The following RAP1GAP2 variants were observed in gnomAD, a reference collection of about 807,000 sequenced individuals.
RAP1GAP2 encodes RAP1 GTPase activating protein 2.
A neutral mutation model predicts 95.0 loss-of-function variants in RAP1GAP2; 27 were observed. The ratio of observed to expected loss-of-function variants is 0.28; its 90% CI spans 0.21 to 0.39. RAP1GAP2 has a LOEUF of 0.39. Among genes scored for constraint, RAP1GAP2 ranks in the 10% least tolerant of loss-of-function variants. The pLI is 1.00. For missense variants in RAP1GAP2, 771 were observed against 970.0 expected (o/e 0.79, Z 2.72); for synonymous variants, 373 against 380.9 (o/e 0.98, Z 0.24).
rs2041794611 is a variant in RAP1GAP2 at position 2,895,632 on chromosome 17, AGTGGCGCG to A, written c.81-9651_81-9644del. Among the ~76,000 whole-genome samples the A allele has an allele frequency of 2.0e-5, 3 of 151,634 alleles. No individual in the cohort carries two copies. In the South Asian group the frequency reaches 6.2e-4, roughly 32 times the overall value. ...TGCTCTGTTGCCCAGGCTGGAGTGC[AGTGGCGCG>A]ATCTCGGCTTACTGCAACCTCCGCC... On this transcript the variant is annotated intron_variant, in intron 2 of 24. Transcript: ENST00000254695.
chr17:2,962,447 G>T, intron 4 of RAP1GAP2: 1 of 514,830 alleles, frequency 1.9e-6, no homozygotes, highest in Non-Finnish European at 3.4e-6. Context: ...TTGAACCCCG[G>T]CGATCTGGCT....
intron 1 of RAP1GAP2, among the ~76,000 whole-genome samples, chr17:2,781,111 C>T (rs746678090): frequency 2.6e-5 from 4 of 152,218 alleles, no homozygotes; most frequent in South Asian, 4.1e-4. Context: ...GCCCCGGCCA[C>T]GCTCTGGTTC....
intron 2 of RAP1GAP2, among the ~76,000 whole-genome samples, chr17:2,869,992 G>T (rs2072775520): frequency 6.6e-6 from 1 of 152,046 alleles, no homozygotes; most frequent in African/African-American, 2.4e-5. Context: ...TTTGAGATGG[G>T]CAGCAGCTAC....
At chr17:2,948,093 G>A (rs550544214) in intron 3 of RAP1GAP2, among the ~76,000 whole-genome samples, 2 of 152,330 alleles carry the variant, frequency 1.3e-5, no homozygotes, top group South Asian at 2.1e-4. Flanking sequence ...GACTCATTGA[G>A]CGACCTGTGT....
chr17:2,809,116 C>T (rs1269833281), intron 2 of RAP1GAP2, among the ~76,000 whole-genome samples: 1 of 152,150 alleles, frequency 6.6e-6, no homozygotes, highest in African/African-American at 2.4e-5. Context: ...TGCTCCTGGC[C>T]CTCCTCCTGG....
chr17:2,999,255 G>A (rs2046073257), intron 14 of RAP1GAP2, among the ~76,000 whole-genome samples: 1 of 152,152 alleles, frequency 6.6e-6, no homozygotes. Flanking sequence ...CCACCTCTTG[G>A]GCAACAGTCT....
intron 2 of RAP1GAP2, among the ~76,000 whole-genome samples, chr17:2,815,248 G>A (rs1597361759): frequency 6.6e-6 from 1 of 152,204 alleles, no homozygotes; most frequent in East Asian, 1.9e-4. Flanking sequence ...CCCACAGTGC[G>A]GCTCCAGCAG....
intron 7 of RAP1GAP2, chr17:2,964,700 T>G (rs2044512190): frequency 6.5e-6 from 1 of 153,044 alleles, no homozygotes; most frequent in Non-Finnish European, 1.5e-5. Flanking sequence ...TGTTTCCATC[T>G]AAATCACGCA....
intron 11 of RAP1GAP2, 73 bp downstream of exon 11, chr17:2,985,139 G>C (rs552749331): frequency 6.3e-7 from 1 of 1,598,986 alleles, no homozygotes; most frequent in Admixed American, 1.7e-5. Flanking sequence ...TCCCCACCCA[G>C]AACACAGGAG....
In RAP1GAP2 at chr17:3,008,058, C is replaced by T. The variant is rs36016465; in HGVS notation, c.1407C>T (p.His469=). Residue 469 remains histidine (H), a synonymous_variant, in exon 17 of 25, where the codon CAC becomes CAT. Transcript: ENST00000254695. The surrounding 1 kb of genome is among the most constrained non-coding windows in gnomAD (Gnocchi z 4.2). ...TGGACAACCTTCACGATGAGCTCCACGCCCACACACAGGCCATGCTGGGAC... is the reference window on the plus strand; with the variant it reads ...TGGACAACCTTCACGATGAGCTCCATGCCCACACACAGGCCATGCTGGGAC... The part of the protein sequence containing the change: ...ALLDNLHDEL[H]AHTQAMLGLG... The T allele has an allele frequency of 2.4e-3, 3,950 of 1,613,934 alleles. 66 individuals are homozygous for T. The African/African-American group carries it at 0.042, about 17-fold the overall frequency.
intron 3 of RAP1GAP2, among the ~76,000 whole-genome samples, chr17:2,933,431 A>G (rs1019411608): frequency 6.6e-6 from 1 of 152,184 alleles, no homozygotes; most frequent in Non-Finnish European, 1.5e-5. Flanking sequence ...CAAGCTGCGG[A>G]GCCCATGGGG....
At chr17:2,872,533 A>C (rs1346827581) in intron 2 of RAP1GAP2, among the ~76,000 whole-genome samples, 3 of 152,098 alleles carry the variant, frequency 2.0e-5, no homozygotes, top group East Asian at 3.9e-4. Context: ...AAGTGGCTTA[A>C]CTGGAAAGTT....
Position 3,029,611 on chromosome 17 carries a change from A to G in RAP1GAP2, c.2108-1311A>G, listed in dbSNP as rs1047656124. Reference sequence around the variant, plus strand: ...CTTCCTGGGGCACAGAAGAGGACTGATAGGTTACACAGAGGTGTTGTAGCC... The same window carrying G: ...CTTCCTGGGGCACAGAAGAGGACTGGTAGGTTACACAGAGGTGTTGTAGCC... On this transcript the variant is annotated intron_variant, in intron 22 of 24. Transcript: ENST00000254695. This position sits in a 1 kb window ranked among gnomAD's most constrained non-coding sequence, Gnocchi z 4.4. Among the ~76,000 whole-genome samples, 2 of 152,090 alleles carry G rather than the reference A, an allele frequency of 1.3e-5. No individual in the cohort carries two copies. Among genetic ancestry groups the G allele is most frequent in the African/African-American group, 4.8e-5 (2 of 41,396 alleles).
chr17:2,925,326 A>G (rs2042918052), intron 3 of RAP1GAP2, among the ~76,000 whole-genome samples: 2 of 151,954 alleles, frequency 1.3e-5, no homozygotes, highest in South Asian at 4.1e-4. Flanking sequence ...GGTAATTTAT[A>G]AAGAAAGAGG....
upstream of RAP1GAP2, among the ~76,000 whole-genome samples, chr17:2,795,190 CTTT>C (rs578206765): frequency 1.1e-3 from 153 of 144,424 alleles, no homozygotes; most frequent in African/African-American, 3.6e-3. Context: ...TCTTCTTCTT[CTTT>C]TTTTTTTTTT....
intron 3 of RAP1GAP2, among the ~76,000 whole-genome samples, chr17:2,911,079 C>T (rs865945400): frequency 7.2e-5 from 11 of 152,146 alleles, no homozygotes; most frequent in Admixed American, 2.0e-4. Flanking sequence ...CTCACGCTTG[C>T]GGGCCCAGGG....
intron 2 of RAP1GAP2, among the ~76,000 whole-genome samples, chr17:2,814,470 A>C (rs1257636840): frequency 1.3e-5 from 2 of 151,924 alleles, no homozygotes; most frequent in Non-Finnish European, 2.9e-5. Flanking sequence ...TCCTCCACGC[A>C]CAGCCCCTTC....
upstream of RAP1GAP2, among the ~76,000 whole-genome samples, chr17:2,791,984 C>T (rs178578): frequency 0.94 from 142,752 of 151,980 alleles, 67,703 homozygotes; most frequent in Non-Finnish European, 1. Flanking sequence ...CTCAGCCTTC[C>T]GAGGAGCTGT....
chr17:2,864,889 G>A (rs1227935261), intron 2 of RAP1GAP2, among the ~76,000 whole-genome samples: 17 of 152,184 alleles, frequency 1.1e-4, no homozygotes, highest in Non-Finnish European at 1.5e-5. Flanking sequence ...CAGAAACTCA[G>A]GAATAACGTG....
Sources: allele counts gnomAD v4.1 joint callset (sites outside exome capture counted in the v4.1 genomes callset), GRCh38; gene constraint gnomAD v4.1.1; non-coding constraint Gnocchi (gnomAD v3.1); transcripts MANE v1.5; gene names NCBI Gene and HGNC (gene_info 2026-07-23, HGNC 2026-07-21).